Variants in TMEM63A observed in about 807,000 individuals in gnomAD.
The protein encoded by TMEM63A is mechanosensitive cation channel TMEM63A.
TMEM63A carries 76 observed loss-of-function variants against 100.6 expected under a neutral mutation model. The ratio of observed to expected loss-of-function variants is 0.76; its 90% CI spans 0.63 to 0.91. TMEM63A has a LOEUF of 0.91. Ranked by LOEUF, TMEM63A falls within the 40% of genes least tolerant of loss-of-function variation. The probability of loss-of-function intolerance (pLI) is 0.00; values close to 1 mark genes in which losing one functional copy is unlikely to be tolerated. For synonymous variants in TMEM63A, 401 were observed against 401.1 expected, an observed-to-expected ratio of 1.00 and a Z score of 0.00; for missense variants, 876 against 1,008.8, an observed-to-expected ratio of 0.87 and a Z score of 1.78.
chr1:225,845,741 G>C lies in TMEM63A; in HGVS notation c.*1198C>G, dbSNP rs1668928167. 3.0e-6 allele frequency: 1 copy of C among 335,034 alleles called. No individual in the cohort carries two copies. The allele number at this position is 335,034 out of a possible 1,614,324, so 20.8% of individuals were successfully genotyped here. On this transcript the variant is annotated 3_prime_UTR_variant, in exon 25 of 25. Coordinates refer to ENST00000366835, the MANE Select transcript of TMEM63A (RefSeq NM_014698.3). ...CACCGCCCCCACCCCTCCCAGCGCA[G>C]GGGCAGCTTGGAGCAGAGGCAGCAC...
At chr1:225,845,270 C>T (rs886067755), downstream of TMEM63A, 5 of 1,613,566 alleles carry the variant, frequency 3.1e-6, no homozygotes, top group Non-Finnish European at 4.2e-6. Context: ...TCGTGGGGGC[C>T]ACTTTGCGGC....
chr1:225,853,817 T>C lies in TMEM63A; in HGVS notation c.1635-26A>G, dbSNP rs767245463. On this transcript the variant is annotated intron_variant, in intron 18 of 24. Transcript: ENST00000366835. This position sits in a 1 kb window ranked among gnomAD's most constrained non-coding sequence, Gnocchi z 4.0. Reference sequence around the variant, plus strand: ...CTGGGGAAACCAGGGCCCAGGTCTGTGAGCTGAGAGCCGCTCTTGGAGGGA... The same window carrying C: ...CTGGGGAAACCAGGGCCCAGGTCTGCGAGCTGAGAGCCGCTCTTGGAGGGA... 7 of 1,565,506 alleles carry C rather than the reference T, an allele frequency of 4.5e-6. No homozygotes were observed. Among genetic ancestry groups the C allele is most frequent in the Non-Finnish European group, 6.1e-6 (7 of 1,156,328 alleles).
chr1:225,879,824 G>T (rs1004944352), intron 1 of TMEM63A, among the ~76,000 whole-genome samples: 1 of 152,230 alleles, frequency 6.6e-6, no homozygotes, highest in African/African-American at 2.4e-5. Flanking sequence ...TTCCCCAAGA[G>T]CTAGAATCAG....
rs1242826620 is a variant in TMEM63A, at chr1:225,877,458, C to A, written c.123G>T (p.Val41=). ...YCYNSAKNST[V]LQGVTFGGIP... ...TGCCACCAAAGGTGACCCCCTGGAG[C>A]ACGGTGCTGTTTTTGGCCGAGTTGT... The change falls in exon 3 of 25, where the codon GTG becomes GTT. Residue 41 remains valine (V), a synonymous_variant. Coordinates refer to ENST00000366835, the MANE Select transcript of TMEM63A (RefSeq NM_014698.3). The A allele has an allele frequency of 6.2e-7, 1 of 1,614,194 alleles. No homozygotes were observed. The highest frequency in any genetic ancestry group is 2.2e-5 in the East Asian group (1 of 44,880).
In TMEM63A at chr1:225,862,187, CAAG is replaced by C. The variant is rs777168476; in HGVS notation, c.1085+28_1085+30del. ...ATCTGGAGGGGAACAGGGAGTCAGC[CAAG>C]AAGGGGTCTGGATGTGCCTACACTC... On this transcript the variant is annotated intron_variant, in intron 13 of 24. Transcript: ENST00000366835. The surrounding 1 kb of genome is among the most constrained non-coding windows in gnomAD (Gnocchi z 5.1). 1.2e-5 allele frequency: 20 copies of C among 1,611,722 alleles called. No individual in the cohort carries two copies. In the South Asian group the frequency reaches 2.2e-4, roughly 18 times the overall value.
rs1669013622 is a variant in TMEM63A, at chr1:225,846,786, G to A, written c.*153C>T. ...GAAACTGGGTGAGCAAGGGAGGGGC[G>A]AGGCCTGCCTGTGCTCTCCTCACCA... On this transcript the variant is annotated 3_prime_UTR_variant, in exon 25 of 25. Coordinates refer to ENST00000366835, the MANE Select transcript of TMEM63A (RefSeq NM_014698.3). 2 of 399,734 alleles carry A rather than the reference G, an allele frequency of 5.0e-6. No individual in the cohort carries two copies. The highest frequency in any genetic ancestry group is 3.9e-5 in the East Asian group (1 of 25,434). 24.8% of individuals were successfully genotyped at this position (399,734 alleles called of 1,614,324 possible). A position where few individuals can be genotyped will look rare whatever the true frequency, so the allele number is the denominator to read the frequency against.
Position 225,877,569 on chromosome 1 carries a change from G to A in TMEM63A, c.12C>T (p.Ser4=). 1 of 1,613,524 alleles carries A rather than the reference G, an allele frequency of 6.2e-7. No homozygotes were observed. Among genetic ancestry groups the A allele is most frequent in the South Asian group, 1.1e-5 (1 of 91,044 alleles). The change falls in exon 3 of 25, where the codon TCC becomes TCT. Residue 4 remains serine (S), a synonymous_variant. Coordinates refer to ENST00000366835, the MANE Select transcript of TMEM63A (RefSeq NM_014698.3). ...TGGACTGCCACAGCTCCAGGAACGG[G>A]GAGTCCATCATCGCGCCTGTCTTCC... MMD[S]PFLELWQSKA... is the part of the protein sequence containing the mutation.
chr1:225,868,133 G>A (rs1048397606), intron 6 of TMEM63A, 103 bp from the exon 7 acceptor site: 38 of 1,418,468 alleles, frequency 2.7e-5, no homozygotes, highest in Middle Eastern at 2.2e-4. Flanking sequence ...GAGATGGTTC[G>A]ATCGCTATCC....
chr1:225,876,726 G>C (rs113241014), intron 3 of TMEM63A, among the ~76,000 whole-genome samples: 1 of 150,968 alleles, frequency 6.6e-6, no homozygotes, highest in Non-Finnish European at 1.5e-5. Flanking sequence ...TCGGCTCATT[G>C]CAACTCTGCC....
Position 225,850,020 on chromosome 1 carries a change from G to C in TMEM63A, c.1963C>G (p.Leu655Val). 1 of 1,614,232 alleles carries C rather than the reference G, an allele frequency of 6.2e-7. No individual in the cohort carries two copies. Among genetic ancestry groups the C allele is most frequent in the South Asian group, 1.1e-5 (1 of 91,088 alleles). The change falls in exon 21 of 25, where the codon CTC becomes GTC. Residue 655 changes from leucine to valine, a missense_variant. Coordinates refer to ENST00000366835, the MANE Select transcript of TMEM63A (RefSeq NM_014698.3). ...VDRHNLYFVY[L>V]PAKLEKGIHF... Reference sequence around the variant, plus strand: ...ATCCCCTTCTCCAGCTTGGCTGGGAGGTAGACGAAGTAGAGGTTGTGCCGG... The same window carrying C: ...ATCCCCTTCTCCAGCTTGGCTGGGACGTAGACGAAGTAGAGGTTGTGCCGG...
chr1:225,854,256 T>G (rs1434433836), intron 18 of TMEM63A, among the ~76,000 whole-genome samples: 1 of 152,086 alleles, frequency 6.6e-6, no homozygotes, highest in Non-Finnish European at 1.5e-5. Flanking sequence ...CTGCTGCACA[T>G]CCAGGGGCTG....
Position 225,849,764 on chromosome 1 carries a change from T to C in TMEM63A, c.2071+148A>G, listed in dbSNP as rs1358255651. 4.0e-6 allele frequency: 4 copies of C among 998,228 alleles called. No individual in the cohort carries two copies. The East Asian group carries it at 1.0e-4, about 26-fold the overall frequency. 61.8% of individuals were successfully genotyped at this position (998,228 alleles called of 1,614,324 possible). On this transcript the variant is annotated intron_variant, in intron 21 of 24. Coordinates refer to ENST00000366835, the MANE Select transcript of TMEM63A (RefSeq NM_014698.3). ...CCTCATTCTGGGTACCACGTTCTGA[T>C]GGGACACCTAACCAGCCCTCACTCT...
chr1:225,859,999 T>A (rs369816585), intron 14 of TMEM63A: 3 of 153,552 alleles, frequency 2.0e-5, no homozygotes, highest in African/African-American at 7.2e-5. Context: ...AACGACACAT[T>A]CTTCCCAACG....
rs1293632233 is a variant in TMEM63A at position 225,865,625 on chromosome 1, C to T, written c.746+272G>A. 5 of 399,754 alleles carry T rather than the reference C, an allele frequency of 1.3e-5. No homozygotes were observed. The highest frequency in any genetic ancestry group is 2.3e-5 in the Non-Finnish European group (5 of 214,350). The allele number at this position is 399,754 out of a possible 1,614,324, so 24.8% of individuals were successfully genotyped here. A position where few individuals can be genotyped will look rare whatever the true frequency, so the allele number is the denominator to read the frequency against. On this transcript the variant is annotated intron_variant, in intron 10 of 24. Coordinates refer to ENST00000366835, the MANE Select transcript of TMEM63A (RefSeq NM_014698.3). This position sits in a 1 kb window ranked among gnomAD's most constrained non-coding sequence, Gnocchi z 4.6. ...CCCGTATGCTCTCAAGACGTTTATT[C>T]GCACCTACACCCTGGTCTGTGCTCT...
Position 225,859,282 on chromosome 1 carries a change from G to A in TMEM63A, c.1291C>T (p.Leu431=). ...QWLGINFTLF[L]GLFFLTTPSI... is the part of the protein sequence containing the mutation. ...GGTGTGGTCAGGAAAAATAGCCCCA[G>A]GAAGAGGGTGAAGTTGATGCCCAGC... The change falls in exon 15 of 25, where the codon CTG becomes TTG. Residue 431 remains leucine, a synonymous_variant. Transcript: ENST00000366835. 1 of 1,614,156 alleles carries A rather than the reference G, an allele frequency of 6.2e-7. No individual in the cohort carries two copies. The highest frequency in any genetic ancestry group is 8.5e-7 in the Non-Finnish European group (1 of 1,180,040).
At chr1:225,874,040 T>C (rs1670651627) in intron 4 of TMEM63A, among the ~76,000 whole-genome samples, 1 of 152,128 alleles carries the variant, frequency 6.6e-6, no homozygotes, top group Non-Finnish European at 1.5e-5. Context: ...GGGTCTGTGG[T>C]GAAGAGCAAA....
rs1670288549 is a variant in TMEM63A at position 225,867,797 on chromosome 1, C to A, written c.514+91G>T. ...CTTACATCTGAAGTGGGGCATGACT[C>A]CTGGGGTTCTGGTCTACCACAGTGA... On this transcript the variant is annotated intron_variant, in intron 7 of 24. Coordinates refer to ENST00000366835, the MANE Select transcript of TMEM63A (RefSeq NM_014698.3). This position sits in a 1 kb window ranked among gnomAD's most constrained non-coding sequence, Gnocchi z 4.6. 1 of 1,529,066 alleles carries A rather than the reference C, an allele frequency of 6.5e-7. No homozygotes were observed. The highest frequency in any genetic ancestry group is 8.9e-7 in the Non-Finnish European group (1 of 1,122,414). The allele number at this position is 1,529,066 out of a possible 1,614,324, so 94.7% of individuals were successfully genotyped here.
At position 225,865,947 on chromosome 1, in the gene TMEM63A, G is replaced by A; in HGVS notation, c.696C>T (p.Ile232=). ...EENLVRRTLF[I]TGLPRDARKE... ...TCCTGGCATCTCTGGGGAGTCCTGTGATGAACAGGGTCCGCCTCACCTGTC... is the reference window on the plus strand; with the variant it reads ...TCCTGGCATCTCTGGGGAGTCCTGTAATGAACAGGGTCCGCCTCACCTGTC... Residue 232 remains isoleucine (I), a synonymous_variant, in exon 10 of 25, where the codon ATC becomes ATT. Transcript: ENST00000366835. This position sits in a 1 kb window ranked among gnomAD's most constrained non-coding sequence, Gnocchi z 4.6. 6.2e-7 allele frequency: 1 copy of A among 1,614,054 alleles called. No homozygotes were observed. Among genetic ancestry groups the A allele is most frequent in the Non-Finnish European group, 8.5e-7 (1 of 1,179,952 alleles).
Position 225,872,006 on chromosome 1 carries a change from T to A in TMEM63A, c.314A>T (p.Gln105Leu). 6.2e-7 allele frequency: 1 copy of A among 1,613,450 alleles called. No individual in the cohort carries two copies. The highest frequency in any genetic ancestry group is 8.5e-7 in the Non-Finnish European group (1 of 1,179,686). Residue 105 changes from glutamine to leucine, a missense_variant, in exon 5 of 25, where the codon CAA becomes CTA. Gln to Leu is a moderately radical substitution (Grantham distance 113). Transcript: ENST00000366835. The stretch of plus-strand genomic sequence containing the variant: ...ACCAACCAGCTCATTTTCAAAGTCT[T>A]GTTGACCTGAGGAGGAAGTCGATGA... ...RLSSTSSSGQ[Q>L]DFENELGCCP...
Sources: allele counts gnomAD v4.1 joint callset (sites outside exome capture counted in the v4.1 genomes callset), GRCh38; gene constraint gnomAD v4.1.1; non-coding constraint Gnocchi (gnomAD v3.1); transcripts MANE v1.5; gene names NCBI Gene and HGNC (gene_info 2026-07-23, HGNC 2026-07-21).